The following AFAP1L2 variants were observed in gnomAD, a reference collection of about 807,000 sequenced individuals.
The protein encoded by AFAP1L2 is actin filament associated protein 1 like 2, also known as actin filament-associated protein 1-like 2.
A neutral mutation model predicts 99.3 loss-of-function variants in AFAP1L2; 46 were observed. The ratio of observed to expected loss-of-function variants is 0.46; its 90% CI spans 0.37 to 0.59. AFAP1L2 has a LOEUF of 0.59. Among genes scored for constraint, AFAP1L2 ranks in the 20% least tolerant of loss-of-function variants. The pLI, the probability that AFAP1L2 is intolerant of heterozygous loss-of-function variation, is 0.00. For synonymous variants in AFAP1L2, 397 were observed against 419.1 expected, an observed-to-expected ratio of 0.95 and a Z score of 0.64; for missense variants, 959 against 1,034.9, an observed-to-expected ratio of 0.93 and a Z score of 1.01.
At chr10:114,354,677 G>A (rs2051054318) in intron 1 of AFAP1L2, among the ~76,000 whole-genome samples, 1 of 152,146 alleles carries the variant, frequency 6.6e-6, no homozygotes, top group Non-Finnish European at 1.5e-5. Context: ...GGGATTGCAA[G>A]CCATGAGGAT....
chr10:114,398,169 T>C (rs2057905968), intron 1 of AFAP1L2, among the ~76,000 whole-genome samples: 2 of 152,086 alleles, frequency 1.3e-5, no homozygotes, highest in South Asian at 2.1e-4. Flanking sequence ...AATATGAGAG[T>C]CGAGTGATAG....
At position 114,300,105 on chromosome 10, in the gene AFAP1L2, A is replaced by G. The variant is rs562998235; in HGVS notation, c.1957+89T>C. 8.4e-5 allele frequency: 131 copies of G among 1,561,232 alleles called. 1 individual carries two copies. The South Asian group carries it at 9.5e-4, about 11-fold the overall frequency. Reference sequence around the variant, plus strand: ...AATTCTCCTTAATAAACGCCCTTTCATATATACATCTATCCTATTAGTTCT... The same window carrying G: ...AATTCTCCTTAATAAACGCCCTTTCGTATATACATCTATCCTATTAGTTCT... On this transcript the variant is annotated intron_variant, in intron 15 of 18. Transcript: ENST00000304129.
Position 114,307,919 on chromosome 10 carries a change from T to G in AFAP1L2, c.968-10A>C, listed in dbSNP as rs568607560. ...GAACATTTCTTCTTGACTGTCAAGATGAGACAGAAAGCAATTCGTATTGCA... is the reference window on the plus strand; with the variant it reads ...GAACATTTCTTCTTGACTGTCAAGAGGAGACAGAAAGCAATTCGTATTGCA... On this transcript the variant is annotated splice_polypyrimidine_tract_variant and intron_variant, in intron 9 of 18. Transcript: ENST00000304129. 1.9e-6 allele frequency: 3 copies of G among 1,611,770 alleles called. No individual in the cohort carries two copies. The highest frequency in any genetic ancestry group is 1.3e-5 in the African/African-American group (1 of 74,868).
intron 13 of AFAP1L2, 134 bp downstream of exon 13, chr10:114,301,220 A>G: frequency 2.9e-6 from 2 of 691,872 alleles, no homozygotes; most frequent in Non-Finnish European, 4.9e-6. Flanking sequence ...TGTCTGCACT[A>G]CTGGCCTGGT....
downstream of AFAP1L2, chr10:114,290,282 T>C (rs2039443959): frequency 3.2e-6 from 5 of 1,550,430 alleles, no homozygotes; most frequent in Admixed American, 3.9e-5. Context: ...AGCCCGTGCA[T>C]GAATGAGGGC....
upstream of AFAP1L2, chr10:114,404,513 G>C (rs920159169): frequency 1.7e-5 from 26 of 1,509,874 alleles, no homozygotes; most frequent in African/African-American, 2.6e-4. Context: ...CCCGGCGCTC[G>C]GCTCAGCGCC....
intron 1 of AFAP1L2, among the ~76,000 whole-genome samples, chr10:114,378,828 C>T (rs2137294387): frequency 6.6e-6 from 1 of 152,368 alleles, no homozygotes; most frequent in Non-Finnish European, 1.5e-5. Flanking sequence ...GACTACCTGT[C>T]TAGCTCCTCC....
intron 10 of AFAP1L2, 200 bp from the exon 11 acceptor site, chr10:114,305,130 C>A (rs1287548829): frequency 8.5e-6 from 3 of 353,112 alleles, no homozygotes; most frequent in East Asian, 6.6e-5. Flanking sequence ...CAGGAGGGGA[C>A]GCAGATGCAG....
the AFAP1L2 span, chr10:114,286,454 G>T: frequency 6.2e-7 from 1 of 1,609,914 alleles, no homozygotes; most frequent in Non-Finnish European, 8.5e-7. Flanking sequence ...GGATCCTCAG[G>T]ATCTGTTCAA....
intron 1 of AFAP1L2, among the ~76,000 whole-genome samples, chr10:114,392,062 T>C (rs897460879): frequency 5.3e-5 from 8 of 152,150 alleles, no homozygotes; most frequent in African/African-American, 1.9e-4. Context: ...AGGATAGCAA[T>C]GTATTGAAGT....
chr10:114,315,640 T>TG lies in AFAP1L2; in HGVS notation c.531dup (p.Ile178HisfsTer83), dbSNP rs1487160360. 1 of 1,614,062 alleles carries TG rather than the reference T, an allele frequency of 6.2e-7. No individual in the cohort carries two copies. Among genetic ancestry groups the TG allele is most frequent in the South Asian group, 1.1e-5 (1 of 91,074 alleles). On this transcript the variant is annotated frameshift_variant, in exon 6 of 19. Coordinates refer to ENST00000304129, the MANE Select transcript of AFAP1L2 (RefSeq NM_001001936.3). LOFTEE classifies it high-confidence loss of function. Reference sequence around the variant, plus strand: ...TTCTTGCGCCACAGGAAGGCGCAGATGCGGGCGTCACGCATCAGCTCGATG... The same window carrying TG: ...TTCTTGCGCCACAGGAAGGCGCAGATGGCGGGCGTCACGCATCAGCTCGATG...
At chr10:114,365,083 C>T (rs1165682597) in intron 1 of AFAP1L2, among the ~76,000 whole-genome samples, 2 of 152,324 alleles carry the variant, frequency 1.3e-5, no homozygotes, top group East Asian at 1.9e-4. Flanking sequence ...GCTGGCACCC[C>T]TGTGCACCGT....
At chr10:114,284,775 G>A in the AFAP1L2 span, 2 of 1,313,938 alleles carry the variant, frequency 1.5e-6, no homozygotes, top group Non-Finnish European at 2.1e-6. Context: ...TGCTAGAGCA[G>A]GAAGCCAGCT....
chr10:114,323,403 G>A (rs12258411), intron 4 of AFAP1L2, 142 bp from the exon 5 acceptor site: 7,638 of 675,348 alleles, frequency 0.011, 348 homozygotes, highest in African/African-American at 0.11. Flanking sequence ...GGGAGAACAT[G>A]CAGTATCATG....
chr10:114,293,604 T>G (rs1015529527), downstream of AFAP1L2, among the ~76,000 whole-genome samples: 2 of 152,210 alleles, frequency 1.3e-5, no homozygotes, highest in African/African-American at 4.8e-5. Flanking sequence ...TTAAAAGAAA[T>G]TAGCTTTAAT....
At chr10:114,399,832 AT>A (rs2058073264) in intron 1 of AFAP1L2, among the ~76,000 whole-genome samples, 1 of 151,972 alleles carries the variant, frequency 6.6e-6, no homozygotes, top group Non-Finnish European at 1.5e-5. Context: ...TCCCTCCCTC[AT>A]TTCCCTCTCC....
chr10:114,292,399 G>T (rs2039684711), downstream of AFAP1L2, among the ~76,000 whole-genome samples: 1 of 152,038 alleles, frequency 6.6e-6, no homozygotes, highest in Non-Finnish European at 1.5e-5. Flanking sequence ...ATAGGATAAA[G>T]AAACTTACAG....
chr10:114,313,353 C>A (rs1016780803), intron 7 of AFAP1L2, among the ~76,000 whole-genome samples: 1 of 152,144 alleles, frequency 6.6e-6, no homozygotes. Context: ...GAGTGGGCCA[C>A]GTGCATTCGT....
At position 114,325,939 on chromosome 10, in the gene AFAP1L2, G is replaced by A. The variant is rs1396546343; in HGVS notation, c.316-2678C>T. On this transcript the variant is annotated intron_variant, in intron 4 of 18. Transcript: ENST00000304129. ...CAGGGCTCATCAGCCTGATCTGGCT[G>A]GGCCTCCAGCTCCAGCCTCCAAGAA... 3.9e-6 allele frequency: 5 copies of A among 1,289,372 alleles called. No individual in the cohort carries two copies. The Admixed American group carries it at 6.9e-5, about 18-fold the overall frequency. 79.9% of individuals were successfully genotyped at this position (1,289,372 alleles called of 1,614,324 possible). A position where few individuals can be genotyped will look rare whatever the true frequency, so the allele number is the denominator to read the frequency against.
Sources: gnomAD v4.1 joint callset for allele counts (sites outside exome capture counted in the v4.1 genomes callset) on GRCh38, gnomAD v4.1.1 for gene constraint, MANE v1.5 for transcripts, NCBI Gene and HGNC (gene_info 2026-07-23, HGNC 2026-07-21) for gene names.